SH3YL1: variants seen among roughly 807,000 people sequenced by gnomAD.
SH3YL1 encodes SH3 and SYLF domain containing 1.
A neutral mutation model predicts 45.8 loss-of-function variants in SH3YL1; 41 were observed. The ratio of observed to expected loss-of-function variants is 0.89; its 90% confidence interval spans 0.70 to 1.16. The LOEUF (loss-of-function observed/expected upper bound fraction) is 1.16. Ranked by LOEUF, SH3YL1 falls within the 50% of genes most tolerant of loss-of-function variation. The pLI is 0.00. For missense variants in SH3YL1, 389 were observed against 409.6 expected (o/e 0.95, Z 0.43); for synonymous variants, 152 against 151.4 (o/e 1.00, Z -0.03).
intron 1 of SH3YL1, chr2:263,733 G>A (rs1669708072): frequency 2.2e-6 from 1 of 456,960 alleles, no homozygotes; most frequent in Admixed American, 4.2e-5. Flanking sequence ...CACGACCATC[G>A]TCATCATTCC....
intron 7 of SH3YL1, 194 bp downstream of exon 7, chr2:230,829 G>C (rs1667999333): frequency 1.7e-6 from 1 of 586,258 alleles, no homozygotes; most frequent in Admixed American, 3.2e-5. Context: ...CAATCACAGA[G>C]GACAAATTAT....
At chr2:231,477 CAT>C (rs796134265) in intron 6 of SH3YL1, among the ~76,000 whole-genome samples, 86 of 152,228 alleles carry the variant, frequency 5.6e-4, no homozygotes, top group African/African-American at 2.1e-3. Flanking sequence ...TATACTTGCC[CAT>C]ATATATACAT....
intron 1 of SH3YL1, among the ~76,000 whole-genome samples, chr2:258,335 T>A (rs1372371985): frequency 1.3e-5 from 2 of 152,212 alleles, no homozygotes; most frequent in Admixed American, 6.5e-5. Context: ...CTTTCAGCAG[T>A]GCTTTGTAAT....
At chr2:252,605 G>A (rs545657060) in intron 2 of SH3YL1, among the ~76,000 whole-genome samples, 2 of 152,216 alleles carry the variant, frequency 1.3e-5, no homozygotes, top group South Asian at 4.2e-4. Flanking sequence ...AGAAGTGGCA[G>A]GAATGCAACA....
intron 1 of SH3YL1, chr2:262,570 A>G (rs142947836): frequency 1.5e-6 from 2 of 1,301,924 alleles, no homozygotes; most frequent in East Asian, 1.1e-4. Flanking sequence ...AAATTTTTTT[A>G]AAAACTTCAT....
chr2:219,048 A>G, intron 9 of SH3YL1, 47 bp from the exon 10 acceptor site: 1 of 1,516,198 alleles, frequency 6.6e-7, no homozygotes, highest in Non-Finnish European at 9.0e-7. Flanking sequence ...TAAGGGAGAA[A>G]TTGGGGGTAT....
At chr2:262,737 C>G in intron 1 of SH3YL1, 3 of 1,235,448 alleles carry the variant, frequency 2.4e-6, no homozygotes, top group Non-Finnish European at 3.2e-6. Context: ...TGTTGACATG[C>G]CAGATCCTTA....
chr2:246,027 C>G (rs1668786314), intron 4 of SH3YL1, among the ~76,000 whole-genome samples: 1 of 152,040 alleles, frequency 6.6e-6, no homozygotes, highest in Non-Finnish European at 1.5e-5. Flanking sequence ...GAAACCCCAT[C>G]TCTACTAAAA....
intron 4 of SH3YL1, among the ~76,000 whole-genome samples, chr2:239,375 C>T (rs909696042): frequency 6.6e-6 from 1 of 152,122 alleles, no homozygotes; most frequent in Non-Finnish European, 1.5e-5. Flanking sequence ...AGATGAAGAA[C>T]CTGGAGCAAA....
chr2:262,581 G>A (rs1669629051), intron 1 of SH3YL1: 1 of 1,303,038 alleles, frequency 7.7e-7, no homozygotes. Context: ...AAAACTTCAT[G>A]TGCTTAGGTC....
At chr2:262,656 G>GACTT (rs1396756995) in intron 1 of SH3YL1, 1 of 1,304,258 alleles carries the variant, frequency 7.7e-7, no homozygotes, top group East Asian at 5.5e-5. Context: ...CGTGCACAGG[G>GACTT]ACTTGTGAGG....
intron 1 of SH3YL1, among the ~76,000 whole-genome samples, chr2:254,857 T>C (rs1179841816): frequency 6.6e-6 from 1 of 152,210 alleles, no homozygotes; most frequent in Non-Finnish European, 1.5e-5. Flanking sequence ...TAAGCCAGAC[T>C]ACAGCCTAAG....
chr2:254,118 T>C (rs1036237371), intron 1 of SH3YL1, among the ~76,000 whole-genome samples: 1 of 152,094 alleles, frequency 6.6e-6, no homozygotes, highest in Non-Finnish European at 1.5e-5. Context: ...TAATATATAG[T>C]ATAAATTTAA....
chr2:250,219 T>G (rs552946040), intron 2 of SH3YL1, among the ~76,000 whole-genome samples: 1 of 152,272 alleles, frequency 6.6e-6, no homozygotes, highest in South Asian at 2.1e-4. Flanking sequence ...TCAAAGAAAT[T>G]AAGATCCATA....
intron 1 of SH3YL1, among the ~76,000 whole-genome samples, chr2:253,384 A>T (rs1021438003): frequency 2.6e-5 from 4 of 152,288 alleles, no homozygotes; most frequent in Non-Finnish European, 5.9e-5. Flanking sequence ...GCAGTAAAGG[A>T]GCTGGCCAAA....
At chr2:245,185 C>A (rs951268534) in intron 4 of SH3YL1, among the ~76,000 whole-genome samples, 21 of 152,186 alleles carry the variant, frequency 1.4e-4, no homozygotes, top group African/African-American at 5.1e-4. Context: ...TCACTGCACA[C>A]TCACAATTAC....
At chr2:229,728 CAAAAAA>C (rs397709071) in intron 8 of SH3YL1, among the ~76,000 whole-genome samples, 1 of 93,376 alleles carries the variant, frequency 1.1e-5, no homozygotes, top group East Asian at 2.9e-4. Flanking sequence ...GACTCCGTCT[CAAAAAA>C]AAAAAAAAAA....
intron 4 of SH3YL1, among the ~76,000 whole-genome samples, chr2:236,529 A>T (rs554546020): frequency 4.4e-4 from 67 of 152,130 alleles, no homozygotes; most frequent in Non-Finnish European, 9.0e-4. Flanking sequence ...GAACTCCATT[A>T]CTCCCTTTTG....
intron 8 of SH3YL1, among the ~76,000 whole-genome samples, chr2:227,621 C>G (rs1667840296): frequency 6.6e-6 from 1 of 152,074 alleles, no homozygotes; most frequent in Non-Finnish European, 1.5e-5. Context: ...AAGATGATAG[C>G]ATTTTTATGA....
Sources: gnomAD v4.1 joint callset for allele counts (sites outside exome capture counted in the v4.1 genomes callset) on GRCh38, gnomAD v4.1.1 for gene constraint, MANE v1.5 for transcripts, NCBI Gene and HGNC (gene_info 2026-07-23, HGNC 2026-07-21) for gene names.